MPPED1: variants seen among roughly 807,000 people sequenced by gnomAD.
The protein encoded by MPPED1 is metallophosphoesterase domain-containing protein 1.
A neutral mutation model predicts 36.2 loss-of-function variants in MPPED1; 16 were observed. That is an observed-to-expected ratio of 0.44 (90% CI 0.30 to 0.67). The LOEUF (loss-of-function observed/expected upper bound fraction) is 0.67, where lower values mean the gene tolerates loss of function less well. Among genes scored for constraint, MPPED1 ranks in the 30% least tolerant of loss-of-function variants. The pLI, the probability that MPPED1 is intolerant of heterozygous loss-of-function variation, is 0.10. For missense variants in MPPED1, 307 were observed against 453.4 expected (o/e 0.68, Z 2.93); for synonymous variants, 199 against 191.3 (o/e 1.04, Z -0.33).
intron 3 of MPPED1, among the ~76,000 whole-genome samples, chr22:43,443,869 C>A (rs575406749): frequency 6.6e-6 from 1 of 152,192 alleles, no homozygotes; most frequent in Admixed American, 6.5e-5. Context: ...CTTGTCACCT[C>A]CGGCACTCTC....
chr22:43,483,177 C>A (rs1295240959), intron 4 of MPPED1, among the ~76,000 whole-genome samples: 1 of 152,230 alleles, frequency 6.6e-6, no homozygotes, highest in Non-Finnish European at 1.5e-5. Context: ...TTCTTTCTAA[C>A]TTGATAAATA....
chr22:43,496,361 G>A (rs1429356380), intron 4 of MPPED1, among the ~76,000 whole-genome samples: 20 of 71,300 alleles, frequency 2.8e-4, no homozygotes, highest in African/African-American at 8.6e-4. Context: ...GGTGGTGGAG[G>A]TGGTGGTGGT....
intron 3 of MPPED1, among the ~76,000 whole-genome samples, chr22:43,471,334 G>A (rs1231007120): frequency 6.6e-6 from 1 of 152,200 alleles, no homozygotes; most frequent in African/African-American, 2.4e-5. Flanking sequence ...ACCCGAGCTG[G>A]GGGCTCTGGC....
Position 43,502,469 on chromosome 22 carries a change from C to T in MPPED1, c.749-175C>T, listed in dbSNP as rs1932755415. Among the ~76,000 whole-genome samples the T allele has an allele frequency of 6.6e-6, 1 of 152,206 alleles. No homozygotes were observed. Among genetic ancestry groups the T allele is most frequent in the Non-Finnish European group, 1.5e-5 (1 of 68,018 alleles). ...CTGCAAGGTCCTGAATGGTTTCAGT[C>T]CCTGAAGCCTGAGGCAGGGCAGGGT... is the stretch of plus-strand genomic sequence containing the variant. On this transcript the variant is annotated intron_variant, in intron 5 of 6. Transcript: ENST00000443721. The surrounding 1 kb of genome is among the most constrained non-coding windows in gnomAD (Gnocchi z 5.5).
intron 4 of MPPED1, among the ~76,000 whole-genome samples, chr22:43,481,234 T>G (rs1400674960): frequency 6.6e-6 from 1 of 152,026 alleles, no homozygotes; most frequent in East Asian, 1.9e-4. Flanking sequence ...TTGTTCAGGG[T>G]TTTTCCACAT....
intron 3 of MPPED1, among the ~76,000 whole-genome samples, chr22:43,467,040 G>A (rs1931197458): frequency 1.3e-5 from 2 of 152,146 alleles, no homozygotes; most frequent in South Asian, 2.1e-4. Context: ...TACAGCGTGG[G>A]GCTCACGTGT....
chr22:43,432,487 AGAAAGGGAGGAGAGAGAGG>A, intron 2 of MPPED1, among the ~76,000 whole-genome samples: 1 of 127,644 alleles, frequency 7.8e-6, no homozygotes, highest in African/African-American at 3.0e-5. Flanking sequence ...AAGGGAGGAG[AGAAAGGGAGGAGAGAGAGG>A]GAAAGAGAAA....
At chr22:43,413,145 G>A (rs1198631185) in intron 1 of MPPED1, among the ~76,000 whole-genome samples, 1 of 152,126 alleles carries the variant, frequency 6.6e-6, no homozygotes, top group Non-Finnish European at 1.5e-5. Context: ...GAGTTTCTTT[G>A]CCTTCCCCCT....
At chr22:43,429,245 C>T (rs1929589734) in intron 2 of MPPED1, among the ~76,000 whole-genome samples, 1 of 152,070 alleles carries the variant, frequency 6.6e-6, no homozygotes, top group Non-Finnish European at 1.5e-5. Flanking sequence ...GCTGGGATTC[C>T]CACCCAGTGC....
At chr22:43,444,487 C>T (rs1930267508) in intron 3 of MPPED1, among the ~76,000 whole-genome samples, 1 of 151,532 alleles carries the variant, frequency 6.6e-6, no homozygotes, top group Non-Finnish European at 1.5e-5. Flanking sequence ...CTGCCTCAGC[C>T]TCCCGAGTAG....
chr22:43,454,847 C>G (rs769946882), intron 3 of MPPED1, among the ~76,000 whole-genome samples: 45 of 152,112 alleles, frequency 3.0e-4, no homozygotes, highest in Non-Finnish European at 2.2e-4. Context: ...TCTGTTCTCT[C>G]ACATCTTATG....
intron 4 of MPPED1, among the ~76,000 whole-genome samples, chr22:43,484,194 T>G (rs1218489127): frequency 6.6e-6 from 1 of 152,194 alleles, no homozygotes; most frequent in Non-Finnish European, 1.5e-5. Flanking sequence ...GGCAAAGACT[T>G]TCCCCGCTGC....
intron 6 of MPPED1, among the ~76,000 whole-genome samples, chr22:43,504,467 GATGA>G (rs1932773729): frequency 6.6e-6 from 1 of 152,024 alleles, no homozygotes; most frequent in Non-Finnish European, 1.5e-5. Flanking sequence ...CACCATTCTT[GATGA>G]TGGTGGTGGT....
chr22:43,426,999 C>T (rs1026557171), intron 2 of MPPED1, among the ~76,000 whole-genome samples: 1 of 152,180 alleles, frequency 6.6e-6, no homozygotes, highest in Non-Finnish European at 1.5e-5. Context: ...TTGTCTTTTG[C>T]TGGTGAGGTT....
At chr22:43,437,559 T>C (rs559887312) in intron 3 of MPPED1, among the ~76,000 whole-genome samples, 1 of 152,200 alleles carries the variant, frequency 6.6e-6, no homozygotes, top group South Asian at 2.1e-4. Flanking sequence ...TAATTGGAAG[T>C]AAGGGTGTGG....
chr22:43,487,604 G>A (rs1473613158), intron 4 of MPPED1, among the ~76,000 whole-genome samples: 1 of 152,178 alleles, frequency 6.6e-6, no homozygotes, highest in Non-Finnish European at 1.5e-5. Context: ...TGTCCAGTCG[G>A]GGTTAAGAGG....
intron 6 of MPPED1, among the ~76,000 whole-genome samples, chr22:43,504,993 C>A (rs995534020): frequency 6.6e-6 from 1 of 150,904 alleles, no homozygotes; most frequent in Non-Finnish European, 1.5e-5. Flanking sequence ...ATGATGATGA[C>A]GGTGATGGTA....
chr22:43,480,997 T>C (rs1350229362), intron 4 of MPPED1, among the ~76,000 whole-genome samples: 1 of 152,050 alleles, frequency 6.6e-6, no homozygotes, highest in Non-Finnish European at 1.5e-5. Flanking sequence ...CTAATTTTTG[T>C]ATTTTTGTAG....
chr22:43,470,356 T>C (rs1054401128), intron 3 of MPPED1, among the ~76,000 whole-genome samples: 1 of 152,040 alleles, frequency 6.6e-6, no homozygotes, highest in African/African-American at 2.4e-5. Context: ...TATGCATCTA[T>C]ATATCTATCC....
Sources: gnomAD v4.1 joint callset for allele counts (sites outside exome capture counted in the v4.1 genomes callset) on GRCh38, gnomAD v4.1.1 for gene constraint, Gnocchi (gnomAD v3.1) non-coding constraint, MANE v1.5 for transcripts, NCBI Gene and HGNC (gene_info 2026-07-23, HGNC 2026-07-21) for gene names.